The following CAPS2 variants were observed in gnomAD, a reference collection of about 807,000 sequenced individuals.
The protein encoded by CAPS2 is calcyphosin-2.
A neutral mutation model predicts 86.5 loss-of-function variants in CAPS2; 98 were observed. The ratio of observed to expected loss-of-function variants is 1.13; its 90% CI spans 0.96 to 1.34. The LOEUF is 1.34. Ranked by LOEUF, CAPS2 falls within the 40% of genes most tolerant of loss-of-function variation. CAPS2 has a pLI of 0.00. For synonymous variants in CAPS2, 210 were observed against 225.1 expected (o/e 0.93, Z 0.60); for missense variants, 729 against 686.8 (o/e 1.06, Z -0.69).
At chr12:75,368,227 A>T (rs995949294) in intron 1 of CAPS2, among the ~76,000 whole-genome samples, 1 of 151,284 alleles carries the variant, frequency 6.6e-6, no homozygotes. Context: ...TCCTTAAGAG[A>T]TGGCTAGATT....
At chr12:75,310,644 T>C (rs2039053629) in intron 7 of CAPS2, among the ~76,000 whole-genome samples, 1 of 152,170 alleles carries the variant, frequency 6.6e-6, no homozygotes, top group Non-Finnish European at 1.5e-5. Flanking sequence ...TGGTATGCAC[T>C]TTCTCACCCC....
intron 1 of CAPS2, among the ~76,000 whole-genome samples, chr12:75,359,342 ACT>A (rs1223920751): frequency 1.4e-5 from 2 of 138,880 alleles, no homozygotes; most frequent in African/African-American, 2.7e-5. Flanking sequence ...GAGTTAGAAG[ACT>A]CAGCATTGTT....
chr12:75,320,449 C>T (rs1279817542), intron 5 of CAPS2, among the ~76,000 whole-genome samples: 7 of 152,004 alleles, frequency 4.6e-5, no homozygotes, highest in African/African-American at 1.7e-4. Flanking sequence ...CTATTATAGA[C>T]ACCAGATTAT....
At chr12:75,382,762 C>T (rs970662655) in intron 1 of CAPS2, among the ~76,000 whole-genome samples, 3 of 152,024 alleles carry the variant, frequency 2.0e-5, no homozygotes, top group Non-Finnish European at 2.9e-5. Flanking sequence ...AAAGTTTATC[C>T]CAAAATTGCT....
chr12:75,323,089 TA>T (rs1206136221), intron 3 of CAPS2, 87 bp downstream of exon 4: 2 of 1,536,152 alleles, frequency 1.3e-6, no homozygotes, highest in Non-Finnish European at 1.8e-6. Context: ...AAAATTGTCC[TA>T]AAAAATAAAG....
intron 6 of CAPS2, among the ~76,000 whole-genome samples, chr12:75,314,756 T>G (rs2039583598): frequency 6.6e-6 from 1 of 152,136 alleles, no homozygotes; most frequent in Non-Finnish European, 1.5e-5. Context: ...GGGAGATTAA[T>G]TAACACCATA....
chr12:75,277,794 T>G, exon 17 of CAPS2: 1 of 836,428 alleles, frequency 1.2e-6, no homozygotes, highest in Non-Finnish European at 1.4e-6. Flanking sequence ...CATAGAAAAT[T>G]TAAAATTATG....
upstream of CAPS2, chr12:75,326,593 A>C: frequency 2.7e-6 from 2 of 728,932 alleles, no homozygotes; most frequent in Non-Finnish European, 4.8e-6. Context: ...AGTCATACAA[A>C]TTACCTAACA....
chr12:75,287,474 C>A (rs987174649), intron 14 of CAPS2, among the ~76,000 whole-genome samples: 9 of 152,110 alleles, frequency 5.9e-5, no homozygotes, highest in Admixed American at 5.2e-4. Flanking sequence ...TGGGTTTCCT[C>A]CTTCAGTCTA....
rs916991932 is a variant in CAPS2, at chr12:75,298,677, C to T, written c.1044+10G>A. The T allele has an allele frequency of 5.6e-6, 9 of 1,607,254 alleles. No homozygotes were observed. Among genetic ancestry groups the T allele is most frequent in the South Asian group, 1.1e-5 (1 of 90,942 alleles). The stretch of plus-strand genomic sequence containing the variant: ...GGTATTAAATGTGTGCACACACACA[C>T]ACCACTTACAACATAAAAATCACCA... On this transcript the variant is annotated intron_variant, in intron 11 of 16. Coordinates refer to ENST00000393284, the Ensembl canonical transcript of CAPS2.
At chr12:75,294,289 A>G (rs2138391932) in intron 11 of CAPS2, among the ~76,000 whole-genome samples, 1 of 152,342 alleles carries the variant, frequency 6.6e-6, no homozygotes, top group East Asian at 1.9e-4. Context: ...CCTGTTGAAT[A>G]TAAAGGAAGG....
intron 5 of CAPS2, 107 bp from the exon 6 acceptor site, chr12:75,316,541 CAACAGTT>C (rs2039783298): frequency 6.7e-6 from 7 of 1,039,746 alleles, no homozygotes; most frequent in Non-Finnish European, 9.1e-6. Context: ...ACTATTTGTA[CAACAGTT>C]AAAAGTACAG....
chr12:75,375,138 C>T (rs2044583407), intron 1 of CAPS2, among the ~76,000 whole-genome samples: 4 of 152,142 alleles, frequency 2.6e-5, no homozygotes, highest in Admixed American at 2.6e-4. Flanking sequence ...TAGCCCTCAC[C>T]CTATTGGTCA....
chr12:75,385,960 G>C (rs1415387793), intron 1 of CAPS2, among the ~76,000 whole-genome samples: 9 of 152,118 alleles, frequency 5.9e-5, no homozygotes, highest in Non-Finnish European at 1.2e-4. Context: ...CTGAATAAAT[G>C]AAGAAATATT....
At chr12:75,327,212 G>A (rs565521833), upstream of CAPS2, among the ~76,000 whole-genome samples, 6 of 152,228 alleles carry the variant, frequency 3.9e-5, no homozygotes, top group East Asian at 1.2e-3. Flanking sequence ...ATACCACCAT[G>A]ACATATACAT....
At chr12:75,378,001 C>CT (rs1216843362) in intron 1 of CAPS2, among the ~76,000 whole-genome samples, 4 of 151,600 alleles carry the variant, frequency 2.6e-5, no homozygotes, top group African/African-American at 7.3e-5. Context: ...GTGATTGATA[C>CT]TTTTTTTTCT....
exon 17 of CAPS2, chr12:75,277,484 T>C (rs1199021380): frequency 3.9e-5 from 35 of 907,588 alleles, no homozygotes; most frequent in Non-Finnish European, 4.6e-5. Flanking sequence ...AAATGTCTTC[T>C]AGCATATTGT....
intron 1 of CAPS2, chr12:75,347,511 T>G (rs1167667487): frequency 3.1e-5 from 17 of 553,146 alleles, no homozygotes; most frequent in Non-Finnish European, 5.4e-5. Context: ...CTAATAAATA[T>G]TTATGTACAT....
Position 75,304,761 on chromosome 12 carries a change from T to C in CAPS2, c.775A>G (p.Thr259Ala), listed in dbSNP as rs144565720. ...ATGTAATTAAAATCTTCTTACTTTGTTTCATGTAGTGTTCTTTTTCTAAAT... is the reference window on the plus strand; with the variant it reads ...ATGTAATTAAAATCTTCTTACTTTGCTTCATGTAGTGTTCTTTTTCTAAAT... The change falls in exon 8 of 17, where the codon ACA becomes GCA. Residue 259 changes from threonine (T) to alanine (A), a missense_variant. Transcript: ENST00000393284. The C allele has an allele frequency of 3.8e-4, 605 of 1,581,616 alleles. 3 individuals are homozygous for C. The African/African-American group carries it at 7.3e-3, about 19-fold the overall frequency.
Sources: allele counts gnomAD v4.1 joint callset (sites outside exome capture counted in the v4.1 genomes callset), GRCh38; gene constraint gnomAD v4.1.1; transcripts MANE v1.5; gene names NCBI Gene and HGNC (gene_info 2026-07-23, HGNC 2026-07-21).